Variants in TOX3 observed in about 807,000 individuals in gnomAD.
The protein encoded by TOX3 is CAG trinucleotide repeat-containing gene F9 protein.
TOX3 carries 22 observed loss-of-function variants against 64.3 expected under a neutral mutation model. That is an observed-to-expected ratio of 0.34 (90% CI 0.24 to 0.49). TOX3 has a LOEUF of 0.49. Ranked by LOEUF, TOX3 falls within the 20% of genes least tolerant of loss-of-function variation. The pLI is 0.99. For missense variants in TOX3, 661 were observed against 714.4 expected (o/e 0.93, Z 0.85); for synonymous variants, 291 against 273.6 (o/e 1.06, Z -0.63).
chr16:52,444,242 A>G (rs745461708), intron 6 of TOX3, 34 bp downstream of exon 6: 9 of 1,502,190 alleles, frequency 6.0e-6, no homozygotes, highest in African/African-American at 2.8e-5. Flanking sequence ...CGCTGTGACT[A>G]TTTTGGAGCC....
intron 5 of TOX3, chr16:52,445,405 A>T (rs1960135321): frequency 6.6e-6 from 1 of 152,240 alleles, no homozygotes; most frequent in African/African-American, 2.4e-5. Flanking sequence ...TCTTCCCTTC[A>T]TTTGTGTGGA....
chr16:52,450,519 A>G lies in TOX3; in HGVS notation c.436T>C (p.Tyr146His). The G allele has an allele frequency of 6.2e-7, 1 of 1,614,058 alleles. No homozygotes were observed. The highest frequency in any genetic ancestry group is 8.5e-7 in the Non-Finnish European group (1 of 1,179,884). Residue 146 changes from tyrosine (Y) to histidine (H), a missense_variant, in exon 4 of 7, where the codon TAC (tyrosine) becomes CAC (histidine). Physicochemically the swap from Tyr to His is moderately conservative, Grantham distance 83. This residue lies in a region of TOX3 where 259 missense variants were observed against 261.2 expected (regional missense o/e 0.99). Coordinates refer to ENST00000219746, the MANE Select transcript of TOX3 (RefSeq NM_001080430.4). ...MDQSHTQVSQYRQDPSLIMRS... is the reference protein window; with the variant it reads ...MDQSHTQVSQHRQDPSLIMRS... ...ATGATCAGGGAGGGATCCTGCCGGT[A>G]CTGGGACACTTGTGTGTGGCTCTGA...
rs574694704 is a variant in TOX3, at chr16:52,438,385, G to C, written c.*840C>G. 6.6e-6 allele frequency: 1 copy of C among 152,646 alleles called. No homozygotes were observed. Among genetic ancestry groups the C allele is most frequent in the African/African-American group, 2.4e-5 (1 of 41,538 alleles). 9.5% of individuals were successfully genotyped at this position (152,646 alleles called of 1,614,324 possible). A position where few individuals can be genotyped will look rare whatever the true frequency, so the allele number is the denominator to read the frequency against. On this transcript the variant is annotated 3_prime_UTR_variant, in exon 7 of 7. Transcript: ENST00000219746. ...GTATTACATCATAATAAAAACTCTT[G>C]CTTTTTCTTTTTAAATCTTAACTTT...
chr16:52,530,246 A>G (rs968963545), intron 1 of TOX3, among the ~76,000 whole-genome samples: 1 of 152,152 alleles, frequency 6.6e-6, no homozygotes, highest in African/African-American at 2.4e-5. Flanking sequence ...GTGGTGTTAC[A>G]ATGGAAATTT....
intron 3 of TOX3, among the ~76,000 whole-genome samples, chr16:52,458,464 G>A (rs1960590380): frequency 6.6e-6 from 1 of 152,152 alleles, no homozygotes; most frequent in African/African-American, 2.4e-5. Context: ...GAATCTAAGT[G>A]CTGTAAAAGG....
At chr16:52,479,329 A>G (rs1222351772) in intron 1 of TOX3, among the ~76,000 whole-genome samples, 2 of 152,216 alleles carry the variant, frequency 1.3e-5, no homozygotes, top group Non-Finnish European at 2.9e-5. Context: ...CAAGGCTGAT[A>G]TAGGAGCCTG....
At chr16:52,440,125 C>T (rs760327807) in intron 6 of TOX3, among the ~76,000 whole-genome samples, 157 bp from the exon 7 acceptor site, 15 of 152,140 alleles carry the variant, frequency 9.9e-5, no homozygotes, top group Non-Finnish European at 1.9e-4. Context: ...TTTCACTCCT[C>T]CCTGAGGTGG....
intron 1 of TOX3, among the ~76,000 whole-genome samples, chr16:52,502,150 C>T (rs1035927346): frequency 8.5e-5 from 13 of 152,316 alleles, no homozygotes; most frequent in African/African-American, 2.4e-4. Flanking sequence ...AACAGCTAAG[C>T]ACTTCCTGAG....
At position 52,546,629 on chromosome 16, in the gene TOX3, C is replaced by T; in HGVS notation, c.87+8G>A. 7 of 1,538,954 alleles carry T rather than the reference C, an allele frequency of 4.5e-6. No homozygotes were observed. Among genetic ancestry groups the T allele is most frequent in the Non-Finnish European group, 6.1e-6 (7 of 1,145,380 alleles). On this transcript the variant is annotated splice_region_variant and intron_variant, in intron 1 of 6. Coordinates refer to ENST00000219746, the MANE Select transcript of TOX3 (RefSeq NM_001080430.4). ...CCGCCCCCCGGCCCACCGGCCCAGC[C>T]CGGTCACCTTGCTGTAGCCGTAGTA...
intron 3 of TOX3, among the ~76,000 whole-genome samples, chr16:52,458,455 A>C (rs1960589800): frequency 1.3e-5 from 2 of 152,200 alleles, no homozygotes; most frequent in Non-Finnish European, 2.9e-5. Context: ...CTTATGTGGG[A>C]ATCTAAGTGC....
chr16:52,463,692 T>A (rs1028637292), intron 3 of TOX3, among the ~76,000 whole-genome samples: 23 of 151,600 alleles, frequency 1.5e-4, no homozygotes, highest in African/African-American at 2.2e-4. Flanking sequence ...AATTAGACTT[T>A]AAAAAAAAAT....
rs11304815 is a variant in TOX3, at chr16:52,483,564, G to GTTTTT, written c.88-14995_88-14991dup. On this transcript the variant is annotated intron_variant, in intron 1 of 6. Coordinates refer to ENST00000219746, the MANE Select transcript of TOX3 (RefSeq NM_001080430.4). Reference sequence around the variant, plus strand: ...TTCCTCTATTAGACAGGGCAGTTTGGTTTTTTTTTTTTTTTTTTTTTTGAG... The same window carrying GTTTTT: ...TTCCTCTATTAGACAGGGCAGTTTGGTTTTTTTTTTTTTTTTTTTTTTTTTTTGAG... 2.1e-3 allele frequency among the ~76,000 whole-genome samples: 213 copies of GTTTTT among 99,432 alleles called. 4 individuals carry two copies. The highest frequency in any genetic ancestry group is 2.3e-3 in the Non-Finnish European group (123 of 53,482). 65.2% of individuals were successfully genotyped at this position (99,432 alleles called of 152,430 possible).
intron 1 of TOX3, among the ~76,000 whole-genome samples, chr16:52,471,290 C>T (rs1961039578): frequency 6.6e-6 from 1 of 152,034 alleles, no homozygotes; most frequent in African/African-American, 2.4e-5. Flanking sequence ...ATTTGATTAC[C>T]TTACCTAGTA....
At chr16:52,521,414 T>C (rs1268023471) in intron 1 of TOX3, among the ~76,000 whole-genome samples, 1 of 152,128 alleles carries the variant, frequency 6.6e-6, no homozygotes, top group Non-Finnish European at 1.5e-5. Flanking sequence ...CTGCCAGATA[T>C]TTGGAAACAT....
chr16:52,485,236 A>G (rs201435051), intron 1 of TOX3, among the ~76,000 whole-genome samples: 82 of 112,998 alleles, frequency 7.3e-4, no homozygotes, highest in African/African-American at 2.3e-3. Flanking sequence ...GTGTGTGTGT[A>G]TGTGTGTGTG....
At chr16:52,445,894 C>T (rs1960147668) in intron 5 of TOX3, 100 bp downstream of exon 5, 4 of 1,091,092 alleles carry the variant, frequency 3.7e-6, no homozygotes, top group Non-Finnish European at 5.3e-6. Context: ...TCAAAAGAAG[C>T]AATCATATTA....
chr16:52,541,659 C>T (rs1410393639), intron 1 of TOX3, among the ~76,000 whole-genome samples: 2 of 152,154 alleles, frequency 1.3e-5, no homozygotes, highest in Non-Finnish European at 2.9e-5. Context: ...AAGTAGATTC[C>T]TTGAAATATC....
At position 52,446,059 on chromosome 16, in the gene TOX3, T is replaced by C. The variant is rs1349072901; in HGVS notation, c.841A>G (p.Thr281Ala). The C allele has an allele frequency of 1.2e-6, 2 of 1,613,968 alleles. No individual in the cohort carries two copies. The highest frequency in any genetic ancestry group is 3.3e-5 in the Admixed American group (2 of 60,020). The change falls in exon 5 of 7, where the codon ACC becomes GCC. Residue 281 changes from threonine (T) to alanine (A), a missense_variant. Physicochemically the swap from Thr to Ala is moderately conservative, Grantham distance 58. This residue lies in a region of TOX3 where 103 missense variants were observed against 161.2 expected (regional missense o/e 0.64). Transcript: ENST00000219746. The stretch of plus-strand genomic sequence containing the variant: ...ACAATTTTTGAGACCTCTCCAAAGG[T>C]TGCATTGGGGTTTTGACCTTTAATT... Reference protein sequence around the residue: ...AAIKGQNPNATFGEVSKIVAS... With the variant: ...AAIKGQNPNAAFGEVSKIVAS...
intron 3 of TOX3, among the ~76,000 whole-genome samples, chr16:52,460,025 A>G (rs929982371): frequency 6.6e-6 from 1 of 152,140 alleles, no homozygotes; most frequent in Non-Finnish European, 1.5e-5. Flanking sequence ...TCTTATGAAT[A>G]TTTTAAAAGC....
Sources: gnomAD v4.1 joint callset for allele counts (sites outside exome capture counted in the v4.1 genomes callset) on GRCh38, gnomAD v4.1.1 for gene constraint, gnomAD v4.1.1 regional missense constraint, MANE v1.5 for transcripts, NCBI Gene and HGNC (gene_info 2026-07-23, HGNC 2026-07-21) for gene names.